The following MEG3 variants were observed in gnomAD, a reference collection of about 807,000 sequenced individuals.
The protein encoded by MEG3 is Very putative protein from MEG3 locus.
chr14:100,844,253 AC>A, intron 2 of MEG3, among the ~76,000 whole-genome samples: 1 of 151,502 alleles, frequency 6.6e-6, no homozygotes, highest in Admixed American at 6.6e-5. Context: ...TCCTGTCTCC[AC>A]CTGTGCCTAA....
exon 1 of MEG3, chr14:100,859,522 G>T (rs2038342357): frequency 6.6e-6 from 1 of 152,232 alleles, no homozygotes; most frequent in Non-Finnish European, 1.5e-5. Flanking sequence ...GAGGCTGGAG[G>T]CTTCAGAAGC....
At chr14:100,839,987 G>T (rs1010247129) in intron 2 of MEG3, among the ~76,000 whole-genome samples, 5 of 152,206 alleles carry the variant, frequency 3.3e-5, no homozygotes, top group African/African-American at 1.2e-4. Context: ...GAGGACTTGG[G>T]ACATATCTCT....
chr14:100,839,822 C>G (rs929693857), intron 2 of MEG3, among the ~76,000 whole-genome samples: 1 of 152,194 alleles, frequency 6.6e-6, no homozygotes, highest in Non-Finnish European at 1.5e-5. Context: ...TGGAGAGACC[C>G]CTTATCTTTG....
chr14:100,826,124 G>C (rs957275619), intron 1 of MEG3: 7 of 152,232 alleles, frequency 4.6e-5, no homozygotes, highest in Non-Finnish European at 7.3e-5. Context: ...TAGCGCAGAC[G>C]GCGGAGAGCA....
intron 2 of MEG3, among the ~76,000 whole-genome samples, chr14:100,838,078 G>T (rs1027363059): frequency 6.6e-6 from 1 of 152,168 alleles, no homozygotes; most frequent in African/African-American, 2.4e-5. Flanking sequence ...GGCTGCTGGG[G>T]TCCTGGGGGG....
chr14:100,856,248 G>C (rs749765351), upstream of MEG3: 3 of 152,380 alleles, frequency 2.0e-5, no homozygotes, highest in African/African-American at 7.2e-5. Context: ...GCTCCGAGCT[G>C]TCCTGCAGGT....
chr14:100,860,942 G>A, exon 2 of MEG3: 1 of 331,684 alleles, frequency 3.0e-6, no homozygotes, highest in Non-Finnish European at 5.9e-6. Context: ...GCTGTTGTGA[G>A]GGGCGCTGTG....
downstream of MEG3, chr14:100,829,528 G>C (rs2037340305): frequency 6.6e-6 from 1 of 152,244 alleles, no homozygotes; most frequent in Non-Finnish European, 1.5e-5. Flanking sequence ...TTTTCTGGGG[G>C]AATGGGGTCG....
At chr14:100,826,588 G>C (rs2037238283) in intron 1 of MEG3, among the ~76,000 whole-genome samples, 1 of 152,194 alleles carries the variant, frequency 6.6e-6, no homozygotes, top group Non-Finnish European at 1.5e-5. Flanking sequence ...GCCGCCTCTA[G>C]AATCGCGTTA....
chr14:100,841,868 C>T (rs182055336), intron 2 of MEG3, among the ~76,000 whole-genome samples: 1 of 152,216 alleles, frequency 6.6e-6, no homozygotes, highest in Non-Finnish European at 1.5e-5. Flanking sequence ...GTTCCCCCAA[C>T]CCCCGTGGCT....
chr14:100,844,091 C>T (rs2037842199), intron 2 of MEG3, among the ~76,000 whole-genome samples: 3 of 152,146 alleles, frequency 2.0e-5, no homozygotes, highest in Admixed American at 2.0e-4. Context: ...CTCAGCCTCC[C>T]AAAGCGCTGG....
chr14:100,858,814 G>GC (rs1345721948), exon 1 of MEG3: 1 of 152,778 alleles, frequency 6.5e-6, no homozygotes, highest in Non-Finnish European at 1.5e-5. Flanking sequence ...AGCAGAGGGG[G>GC]CCCCTCCTAT....
At chr14:100,826,236 T>C (rs1449426472) in intron 1 of MEG3, 1 of 152,128 alleles carries the variant, frequency 6.6e-6, no homozygotes, top group African/African-American at 2.4e-5. Context: ...TTGGCCATCC[T>C]TGCCGCAAAG....
downstream of MEG3, chr14:100,830,902 A>G (rs1283469100): frequency 6.6e-6 from 1 of 152,636 alleles, no homozygotes. Context: ...ACGGTGACAA[A>G]TGAAGTGGGC....
downstream of MEG3, chr14:100,833,277 T>C (rs1172521013): frequency 1.3e-5 from 2 of 152,256 alleles, no homozygotes; most frequent in African/African-American, 4.8e-5. Flanking sequence ...TTCTTTTTTT[T>C]GAAATGGAGT....
chr14:100,843,003 C>T (rs1327969256), intron 2 of MEG3, among the ~76,000 whole-genome samples: 1 of 152,176 alleles, frequency 6.6e-6, no homozygotes, highest in Admixed American at 6.5e-5. Flanking sequence ...GATTCTAGCC[C>T]AGCACTGCGT....
chr14:100,841,916 G>A (rs1044336443), intron 2 of MEG3, among the ~76,000 whole-genome samples: 3 of 152,282 alleles, frequency 2.0e-5, no homozygotes, highest in Admixed American at 6.5e-5. Flanking sequence ...CCTCGCCAGC[G>A]CCTCTGTTGG....
chr14:100,846,992 G>GTT (rs202119531), intron 3 of MEG3: 1 of 151,174 alleles, frequency 6.6e-6, no homozygotes, highest in African/African-American at 2.4e-5. Context: ...GAAGGGAAAG[G>GTT]TTTTTTTTAA....
chr14:100,837,597 G>A lies in MEG3; in HGVS notation n.3045+1297G>A, dbSNP rs1325546443. Among the ~76,000 whole-genome samples the A allele has an allele frequency of 6.6e-6, 1 of 152,142 alleles. No homozygotes were observed. The highest frequency in any genetic ancestry group is 1.9e-4 in the East Asian group (1 of 5,170). ...AGTGGATGAACACAGCTGCACGCTG[G>A]GTGGGGCCCAGCCTCTAGTCCTCAG... is the stretch of plus-strand genomic sequence containing the variant. On this transcript the variant is annotated intron_variant and non_coding_transcript_variant, in intron 2 of 3. Coordinates refer to the MEG3 transcript ENST00000398461. This position sits in a 1 kb window ranked among gnomAD's most constrained non-coding sequence, Gnocchi z 5.8.
Sources: gnomAD v4.1 joint callset for allele counts (sites outside exome capture counted in the v4.1 genomes callset) on GRCh38, gnomAD v4.1.1 for gene constraint, Gnocchi (gnomAD v3.1) non-coding constraint, MANE v1.5 for transcripts, NCBI Gene and HGNC (gene_info 2026-07-23, HGNC 2026-07-21) for gene names.